Variants in OR52I2 observed in about 807,000 individuals in gnomAD.
The protein encoded by OR52I2 is olfactory receptor family 52 subfamily I member 2.
For missense variants in OR52I2, 350 were observed against 402.4 expected (o/e 0.87, Z 1.11); for synonymous variants, 147 against 151.9 (o/e 0.97, Z 0.24).
At chr11:4,591,217 C>T (rs1309237815) in exon 2 of OR52I2, 3 of 152,138 alleles carry the variant, frequency 2.0e-5, no homozygotes, top group Non-Finnish European at 4.4e-5. Flanking sequence ...TTCCATTAAT[C>T]TGATTTATTC....
At chr11:4,587,983 C>G in exon 2 of OR52I2, 1 of 816,154 alleles carries the variant, frequency 1.2e-6, no homozygotes, top group Non-Finnish European at 2.0e-6. Context: ...CCTTGCATAA[C>G]TTTTCAATTA....
At chr11:4,590,427 T>TTGGTTA (rs1846342305) in exon 2 of OR52I2, 1 of 152,062 alleles carries the variant, frequency 6.6e-6, no homozygotes, top group Admixed American at 6.6e-5. Flanking sequence ...CCAAACCGAG[T>TTGGTTA]GTCCTGTTCT....
At chr11:4,584,080 G>C (rs2133185180) in intron 1 of OR52I2, among the ~76,000 whole-genome samples, 1 of 152,316 alleles carries the variant, frequency 6.6e-6, no homozygotes, top group East Asian at 1.9e-4. Flanking sequence ...GGGGAAACTA[G>C]AGACAGTATA....
At chr11:4,587,089 C>G (rs1028234831) in exon 2 of OR52I2, 1 of 1,614,184 alleles carries the variant, frequency 6.2e-7, no homozygotes, top group Non-Finnish European at 8.5e-7. Flanking sequence ...GTATTGCTTT[C>G]TGTGTGTTCT....
At chr11:4,586,372 A>G (rs2133186584) in intron 1 of OR52I2, among the ~76,000 whole-genome samples, 1 of 151,992 alleles carries the variant, frequency 6.6e-6, no homozygotes, top group Non-Finnish European at 1.5e-5. Flanking sequence ...GATGAAAGAC[A>G]GATTCATTTC....
chr11:4,583,399 C>T (rs572048892), intron 1 of OR52I2, among the ~76,000 whole-genome samples: 11 of 152,274 alleles, frequency 7.2e-5, no homozygotes, highest in African/African-American at 2.4e-4. Flanking sequence ...TTACACAGGG[C>T]AGCCAGGGTA....
chr11:4,584,916 T>C (rs1466939618), intron 1 of OR52I2, among the ~76,000 whole-genome samples: 1 of 152,160 alleles, frequency 6.6e-6, no homozygotes, highest in Non-Finnish European at 1.5e-5. Flanking sequence ...AATCTAAAAG[T>C]ATGGGATTTA....
chr11:4,587,686 G>A, exon 2 of OR52I2: 1 of 1,614,198 alleles, frequency 6.2e-7, no homozygotes, highest in Non-Finnish European at 8.5e-7. Flanking sequence ...CATCTATGCG[G>A]CCTGGTTGGG....
At chr11:4,586,746 G>T in intron 1 of OR52I2, 126 bp from the exon 2 acceptor site, 1 of 1,362,322 alleles carries the variant, frequency 7.3e-7, no homozygotes. Flanking sequence ...AATTTTGTCA[G>T]ATGCCACATT....
At chr11:4,582,427 A>C (rs377658934) in intron 1 of OR52I2, among the ~76,000 whole-genome samples, 135 of 84,562 alleles carry the variant, frequency 1.6e-3, no homozygotes, top group African/African-American at 5.6e-3. Flanking sequence ...ATATTTATTT[A>C]TTTTTCATTT....
chr11:4,586,896 G>C (rs373352913), exon 2 of OR52I2: 2 of 1,614,004 alleles, frequency 1.2e-6, no homozygotes, highest in African/African-American at 1.3e-5. Flanking sequence ...TTGTGATGCT[G>C]GGTCCAGCTT....
At chr11:4,585,853 T>C (rs936906178) in intron 1 of OR52I2, among the ~76,000 whole-genome samples, 1 of 152,232 alleles carries the variant, frequency 6.6e-6, no homozygotes, top group African/African-American at 2.4e-5. Context: ...GGATGTTTGA[T>C]CTATTTTACA....
chr11:4,588,211 A>G, exon 2 of OR52I2: 69 of 262,810 alleles, frequency 2.6e-4, no homozygotes, highest in Middle Eastern at 1.3e-3. Context: ...AAAGACAACA[A>G]AGACCGCTCA....
chr11:4,590,034 G>A (rs570382186), exon 2 of OR52I2: 1 of 152,244 alleles, frequency 6.6e-6, no homozygotes, highest in East Asian at 1.9e-4. Flanking sequence ...GCAGGTGCAG[G>A]GCTGAAAATA....
intron 1 of OR52I2, among the ~76,000 whole-genome samples, chr11:4,584,054 G>A (rs1011666196): frequency 6.6e-5 from 10 of 152,282 alleles, no homozygotes; most frequent in Admixed American, 4.6e-4. Flanking sequence ...GTGATGCCCC[G>A]ATGAGAACTT....
intron 1 of OR52I2, among the ~76,000 whole-genome samples, chr11:4,585,411 ACAT>A (rs1292928158): frequency 1.3e-5 from 2 of 152,206 alleles, no homozygotes; most frequent in East Asian, 1.9e-4. Flanking sequence ...CCGTGACCAA[ACAT>A]CATATGAAAT....
chr11:4,587,326 C>G, exon 2 of OR52I2: 1 of 1,613,160 alleles, frequency 6.2e-7, no homozygotes, highest in Non-Finnish European at 8.5e-7. Context: ...TCAAGTGATG[C>G]TGGGAATGAG....
exon 2 of OR52I2, chr11:4,587,538 C>T (rs1218209219): frequency 6.2e-7 from 1 of 1,614,018 alleles, no homozygotes; most frequent in Non-Finnish European, 8.5e-7. Context: ...CTGATGTGGC[C>T]TTCATTGCTG....
exon 2 of OR52I2, chr11:4,592,611 C>A (rs986160277): frequency 3.9e-5 from 6 of 152,184 alleles, no homozygotes; most frequent in African/African-American, 1.2e-4. Context: ...TGACCAAACA[C>A]CATATGAATA....
Sources: allele counts gnomAD v4.1 joint callset (sites outside exome capture counted in the v4.1 genomes callset), GRCh38; gene constraint gnomAD v4.1.1; transcripts MANE v1.5; gene names NCBI Gene and HGNC (gene_info 2026-07-23, HGNC 2026-07-21).